NUP210: variants seen among roughly 807,000 people sequenced by gnomAD.
The protein encoded by NUP210 is nucleoporin 210, also known as nuclear pore membrane glycoprotein 210.
Under a neutral mutation model 196.0 loss-of-function variants are expected in NUP210, and 151 were observed. The ratio of observed to expected loss-of-function variants is 0.77; its 90% CI spans 0.67 to 0.88. The LOEUF (loss-of-function observed/expected upper bound fraction) is 0.88, where lower values mean the gene tolerates loss of function less well. Ranked by LOEUF, NUP210 falls within the 40% of genes least tolerant of loss-of-function variation. NUP210 has a pLI of 0.00. For synonymous variants in NUP210, 1,070 were observed against 1,052.7 expected (o/e 1.02, Z -0.32); for missense variants, 2,314 against 2,493.7 (o/e 0.93, Z 1.53).
At chr3:13,377,372 T>C (rs1698948599) in intron 9 of NUP210, 84 bp downstream of exon 9, 1 of 964,726 alleles carries the variant, frequency 1.0e-6, no homozygotes, top group African/African-American at 1.6e-5. Flanking sequence ...GGGGCTCCTG[T>C]TGCTTTGGGG....
In NUP210 at chr3:13,340,118, G is replaced by A; in HGVS notation, c.3292-85C>T. 1.9e-6 allele frequency: 3 copies of A among 1,601,532 alleles called. No individual in the cohort carries two copies. Among genetic ancestry groups the A allele is most frequent in the Non-Finnish European group, 2.6e-6 (3 of 1,171,818 alleles). On this transcript the variant is annotated intron_variant, in intron 24 of 39. Coordinates refer to ENST00000254508, the MANE Select transcript of NUP210 (RefSeq NM_024923.4). This position sits in a 1 kb window ranked among gnomAD's most constrained non-coding sequence, Gnocchi z 4.0. ...CCACTCAGAGAGCCAGGGCCCCAGT[G>A]CAGGCAGCTTCTGCCTTCTTCTCCC... is the stretch of plus-strand genomic sequence containing the variant.
chr3:13,387,736 G>A (rs1370214496), intron 5 of NUP210, among the ~76,000 whole-genome samples: 3 of 152,178 alleles, frequency 2.0e-5, no homozygotes, highest in East Asian at 1.9e-4. Flanking sequence ...GAACCAGGAC[G>A]TTGGATAGAC....
At chr3:13,376,830 C>T (rs1698927449) in intron 9 of NUP210, among the ~76,000 whole-genome samples, 3 of 152,112 alleles carry the variant, frequency 2.0e-5, no homozygotes, top group African/African-American at 4.8e-5. Context: ...AAAGCAACGA[C>T]ATCTTCAAGG....
At position 13,375,598 on chromosome 3, in the gene NUP210, T is replaced by A. The variant is rs760808882; in HGVS notation, c.1337A>T (p.Gln446Leu). Residue 446 changes from glutamine (Q) to leucine (L), a missense_variant, in exon 11 of 40, where the codon CAG becomes CTG. Coordinates refer to ENST00000254508, the MANE Select transcript of NUP210 (RefSeq NM_024923.4). ...HILQVPVWNQ[Q>L]EVEIHIPITL... ...GATCGGGATGTGAATTTCCACCTCC[T>A]GCTGGTTCCACACAGGCACCTGTAG... The A allele has an allele frequency of 4.8e-5, 77 of 1,614,104 alleles. No homozygotes were observed. The highest frequency in any genetic ancestry group is 6.4e-5 in the Non-Finnish European group (75 of 1,180,002).
rs879211073 is a variant in NUP210 at position 13,347,654 on chromosome 3, G to A, written c.2835+4225C>T. Among the ~76,000 whole-genome samples, 1 of 152,168 alleles carries A rather than the reference G, an allele frequency of 6.6e-6. No homozygotes were observed. Among genetic ancestry groups the A allele is most frequent in the South Asian group, 2.1e-4 (1 of 4,832 alleles). The stretch of plus-strand genomic sequence containing the variant: ...TTCCGTGCTGAATATGTATCAACAG[G>A]AAGGAAAGAAACCCTTTCTCTGAGC... On this transcript the variant is annotated intron_variant, in intron 20 of 39. Coordinates refer to ENST00000254508, the MANE Select transcript of NUP210 (RefSeq NM_024923.4). This position sits in a 1 kb window ranked among gnomAD's most constrained non-coding sequence, Gnocchi z 4.7.
intron 16 of NUP210, among the ~76,000 whole-genome samples, chr3:13,356,638 G>A (rs941989462): frequency 6.6e-6 from 1 of 152,086 alleles, no homozygotes; most frequent in African/African-American, 2.4e-5. Flanking sequence ...GCGAGACTGT[G>A]TCTCAAAAAA....
intron 13 of NUP210, among the ~76,000 whole-genome samples, chr3:13,366,764 C>A (rs1416839320): frequency 5.0e-4 from 75 of 150,306 alleles, no homozygotes; most frequent in Non-Finnish European, 8.9e-4. Flanking sequence ...TTATCCACCC[C>A]CCTCAGCCTC....
At chr3:13,381,794 T>C (rs886650625) in intron 6 of NUP210, among the ~76,000 whole-genome samples, 1 of 152,154 alleles carries the variant, frequency 6.6e-6, no homozygotes, top group Non-Finnish European at 1.5e-5. Context: ...CTAAAAGACA[T>C]GATCTCTGTC....
intron 15 of NUP210, among the ~76,000 whole-genome samples, chr3:13,359,490 G>A (rs1159947139): frequency 1.3e-5 from 2 of 152,186 alleles, no homozygotes; most frequent in African/African-American, 2.4e-5. Flanking sequence ...TAAGGGCACC[G>A]TGGGAGGCAT....
intron 1 of NUP210, among the ~76,000 whole-genome samples, chr3:13,416,479 T>A (rs921445748): frequency 6.6e-6 from 1 of 152,210 alleles, no homozygotes; most frequent in African/African-American, 2.4e-5. Context: ...CTTGGTCTCT[T>A]CGCCTGAAGG....
At chr3:13,359,709 G>A (rs1382236977) in intron 15 of NUP210, among the ~76,000 whole-genome samples, 4 of 152,314 alleles carry the variant, frequency 2.6e-5, no homozygotes, top group African/African-American at 7.2e-5. Flanking sequence ...GGGAAGGAGT[G>A]TCAGGCCCCA....
intron 1 of NUP210, among the ~76,000 whole-genome samples, chr3:13,416,278 G>A (rs984600498): frequency 1.4e-5 from 2 of 139,524 alleles, no homozygotes; most frequent in Non-Finnish European, 3.0e-5. Context: ...GCTTGGTATG[G>A]CAGTCACTGT....
intron 1 of NUP210, among the ~76,000 whole-genome samples, chr3:13,403,116 A>G (rs1699894263): frequency 1.3e-5 from 2 of 152,210 alleles, no homozygotes; most frequent in African/African-American, 4.8e-5. Flanking sequence ...ATTTACCCCA[A>G]CATATCCTAA....
intron 20 of NUP210, among the ~76,000 whole-genome samples, chr3:13,344,127 C>T (rs139860223): frequency 3.3e-5 from 5 of 152,330 alleles, no homozygotes; most frequent in Non-Finnish European, 7.4e-5. Context: ...CAGCTCACTA[C>T]AACCTCAAAC....
chr3:13,376,189 G>T, intron 10 of NUP210, 102 bp downstream of exon 10: 1 of 1,182,302 alleles, frequency 8.5e-7, no homozygotes, highest in Non-Finnish European at 1.2e-6. Flanking sequence ...GGATGCAGGT[G>T]GCCCAACTCC....
intron 6 of NUP210, among the ~76,000 whole-genome samples, chr3:13,381,420 C>CT (rs10644995): frequency 0.15 from 20,447 of 134,326 alleles, 3,237 homozygotes; most frequent in African/African-American, 0.4. Context: ...CTTTTCTTTT[C>CT]TTTTTTTTTT....
chr3:13,390,118 G>C (rs1699438203), intron 4 of NUP210, among the ~76,000 whole-genome samples: 1 of 152,166 alleles, frequency 6.6e-6, no homozygotes, highest in South Asian at 2.1e-4. Flanking sequence ...AAGGTCTGAA[G>C]ACGGCCGGCA....
Position 13,399,834 on chromosome 3 carries a change from G to A in NUP210, c.195C>T (p.Ser65=), listed in dbSNP as rs1699777360. The change falls in exon 2 of 40, where the codon AGC becomes AGT. Residue 65 remains serine, a synonymous_variant. Transcript: ENST00000254508. The part of the protein sequence containing the change: ...RWLSTRPEVA[S]IEPLGLDEQQ... ...GCTCGTCCAGGCCCAGCGGCTCGAT[G>A]CTGGCCACCTCCGGCCGGGTGGACA... 1 of 1,612,138 alleles carries A rather than the reference G, an allele frequency of 6.2e-7. No individual in the cohort carries two copies. Among genetic ancestry groups the A allele is most frequent in the Non-Finnish European group, 8.5e-7 (1 of 1,179,120 alleles).
chr3:13,336,046 C>T (rs1308607603), intron 27 of NUP210, among the ~76,000 whole-genome samples: 2 of 152,184 alleles, frequency 1.3e-5, no homozygotes, highest in African/African-American at 2.4e-5. Flanking sequence ...TCTGGGGGAG[C>T]CCCCGGGCAC....
Sources: allele counts gnomAD v4.1 joint callset (sites outside exome capture counted in the v4.1 genomes callset), GRCh38; gene constraint gnomAD v4.1.1; non-coding constraint Gnocchi (gnomAD v3.1); transcripts MANE v1.5; gene names NCBI Gene and HGNC (gene_info 2026-07-23, HGNC 2026-07-21).